Variants in CCSER1 observed in about 807,000 individuals in gnomAD.
CCSER1 encodes coiled-coil serine rich protein 1, also known as serine-rich coiled-coil domain-containing protein 1.
Under a neutral mutation model 82.0 loss-of-function variants are expected in CCSER1, and 41 were observed. That is an observed-to-expected ratio of 0.50 (90% CI 0.39 to 0.65). The LOEUF (loss-of-function observed/expected upper bound fraction) is 0.65, where lower values mean the gene tolerates loss of function less well. Among genes scored for constraint, CCSER1 ranks in the 30% least tolerant of loss-of-function variants. The probability of loss-of-function intolerance (pLI) is 0.00; values close to 1 mark genes in which losing one functional copy is unlikely to be tolerated. For missense variants in CCSER1, 1,119 were observed against 1,064.2 expected (o/e 1.05, Z -0.72); for synonymous variants, 414 against 383.9 (o/e 1.08, Z -0.92).
chr4:91,313,062 T>G (rs1242323802), intron 10 of CCSER1, among the ~76,000 whole-genome samples: 1 of 151,936 alleles, frequency 6.6e-6, no homozygotes, highest in African/African-American at 2.4e-5. Flanking sequence ...ATTTGTTCCA[T>G]GACATTCAAA....
intron 10 of CCSER1, among the ~76,000 whole-genome samples, chr4:91,468,267 A>G (rs538588022): frequency 1.4e-4 from 22 of 152,180 alleles, no homozygotes; most frequent in African/African-American, 5.1e-4. Flanking sequence ...AAAACCAAAC[A>G]CTGCATGTTC....
intron 1 of CCSER1, among the ~76,000 whole-genome samples, chr4:90,217,289 G>A (rs1453955776): frequency 2.6e-5 from 4 of 151,618 alleles, no homozygotes; most frequent in East Asian, 1.9e-4. Context: ...CTCCACCTCC[G>A]GGGTTCAAGT....
chr4:91,580,415 A>T (rs1321768887), intron 10 of CCSER1, among the ~76,000 whole-genome samples: 1 of 150,912 alleles, frequency 6.6e-6, no homozygotes, highest in African/African-American at 2.4e-5. Context: ...TCTAACAATA[A>T]TTTTTTTTTG....
chr4:90,401,718 A>G, intron 4 of CCSER1, among the ~76,000 whole-genome samples: 1 of 152,094 alleles, frequency 6.6e-6, no homozygotes, highest in East Asian at 1.9e-4. Flanking sequence ...TAGTAGAGAC[A>G]GGGTTTCACC....
intron 10 of CCSER1, among the ~76,000 whole-genome samples, chr4:91,389,405 T>C (rs1015935509): frequency 5.3e-5 from 8 of 152,060 alleles, no homozygotes; most frequent in Non-Finnish European, 7.4e-5. Flanking sequence ...GGTCTATTTC[T>C]GGGTTCTCTT....
At chr4:91,403,385 T>A (rs1457743413) in intron 10 of CCSER1, among the ~76,000 whole-genome samples, 1 of 152,132 alleles carries the variant, frequency 6.6e-6, no homozygotes, top group African/African-American at 2.4e-5. Flanking sequence ...ATACCTATTA[T>A]TTCTTTCTTC....
chr4:91,541,202 T>A (rs1214823186), intron 10 of CCSER1, among the ~76,000 whole-genome samples: 1 of 152,202 alleles, frequency 6.6e-6, no homozygotes, highest in Non-Finnish European at 1.5e-5. Context: ...ACTTATTTAG[T>A]TCTTCATTGC....
intron 1 of CCSER1, among the ~76,000 whole-genome samples, chr4:90,268,631 AAGGAAGTGGG>A (rs1441595982): frequency 6.6e-6 from 1 of 152,120 alleles, no homozygotes; most frequent in Non-Finnish European, 1.5e-5. Flanking sequence ...GGAAGAAAAG[AAGGAAGTGGG>A]ACCACACAAA....
intron 8 of CCSER1, among the ~76,000 whole-genome samples, chr4:90,830,079 C>T (rs901207850): frequency 1.1e-4 from 16 of 152,300 alleles, no homozygotes; most frequent in African/African-American, 3.6e-4. Flanking sequence ...GCCAAATTAT[C>T]GTTTCTAGAG....
intron 7 of CCSER1, among the ~76,000 whole-genome samples, chr4:90,742,943 T>A (rs1222918582): frequency 6.6e-6 from 1 of 152,232 alleles, no homozygotes; most frequent in Non-Finnish European, 1.5e-5. Context: ...ATTTTGATTT[T>A]TTTAAGATAT....
chr4:91,112,433 A>T (rs909152199), intron 10 of CCSER1, among the ~76,000 whole-genome samples: 1 of 152,112 alleles, frequency 6.6e-6, no homozygotes, highest in Non-Finnish European at 1.5e-5. Flanking sequence ...TGACCTAACT[A>T]TTCTGTAAGT....
At chr4:90,907,680 G>A (rs1197773444) in intron 8 of CCSER1, among the ~76,000 whole-genome samples, 2 of 151,838 alleles carry the variant, frequency 1.3e-5, no homozygotes, top group Non-Finnish European at 2.9e-5. Flanking sequence ...TTTCTCAGAC[G>A]TATATTTGAT....
intron 5 of CCSER1, among the ~76,000 whole-genome samples, chr4:90,494,642 C>A (rs1768684302): frequency 6.6e-6 from 1 of 152,092 alleles, no homozygotes; most frequent in African/African-American, 2.4e-5. Context: ...AGTTTGTAGA[C>A]TTCATTAGAG....
intron 10 of CCSER1, among the ~76,000 whole-genome samples, chr4:91,579,639 G>A (rs2110308608): frequency 6.6e-6 from 1 of 151,864 alleles, no homozygotes; most frequent in East Asian, 1.9e-4. Context: ...TACATCAAGA[G>A]CAGGTAAATA....
chr4:90,158,354 G>A (rs999778757), intron 1 of CCSER1, among the ~76,000 whole-genome samples: 3 of 152,204 alleles, frequency 2.0e-5, no homozygotes, highest in African/African-American at 7.2e-5. Context: ...GAGGCCGTCT[G>A]CCCGTTCTCA....
chr4:90,899,889 G>A (rs1340870275), intron 8 of CCSER1, among the ~76,000 whole-genome samples: 2 of 151,918 alleles, frequency 1.3e-5, no homozygotes, highest in African/African-American at 4.8e-5. Context: ...GTTCATCAGG[G>A]ATGTTGACTT....
At chr4:91,125,130 A>T (rs1306410849) in intron 10 of CCSER1, among the ~76,000 whole-genome samples, 1 of 151,726 alleles carries the variant, frequency 6.6e-6, no homozygotes, top group Non-Finnish European at 1.5e-5. Flanking sequence ...CAATCAGTAT[A>T]TCAAATTTGT....
intron 7 of CCSER1, among the ~76,000 whole-genome samples, chr4:90,767,047 T>C (rs1751355908): frequency 1.3e-5 from 2 of 152,216 alleles, no homozygotes; most frequent in South Asian, 4.1e-4. Context: ...AGTGCCCAGC[T>C]ATCTCACATA....
chr4:90,271,099 C>T (rs72879713), intron 1 of CCSER1, among the ~76,000 whole-genome samples: 7,021 of 151,976 alleles, frequency 0.046, 420 homozygotes, highest in African/African-American at 0.14. Flanking sequence ...CAATTCCTCT[C>T]GAAATACCTA....
Sources: allele counts gnomAD v4.1 joint callset (sites outside exome capture counted in the v4.1 genomes callset), GRCh38; gene constraint gnomAD v4.1.1; transcripts MANE v1.5; gene names NCBI Gene and HGNC (gene_info 2026-07-23, HGNC 2026-07-21).